The following TLN2 variants were observed in gnomAD, a reference collection of about 807,000 sequenced individuals.
TLN2 encodes talin-2.
In TLN2, 118 loss-of-function variants were observed where a neutral mutation model predicts 294.7. The ratio of observed to expected loss-of-function variants is 0.40; its 90% CI spans 0.34 to 0.47. The LOEUF (loss-of-function observed/expected upper bound fraction) is 0.47, where lower values mean the gene tolerates loss of function less well. Among genes scored for constraint, TLN2 ranks in the 20% least tolerant of loss-of-function variants. The pLI is 0.84. For synonymous variants in TLN2, 1,431 were observed against 1,304.5 expected (o/e 1.10, Z -2.09); for missense variants, 3,083 against 3,282.2 (o/e 0.94, Z 1.48).
chr15:62,643,231 A>C (rs1159644625), intron 3 of TLN2, among the ~76,000 whole-genome samples: 3 of 152,112 alleles, frequency 2.0e-5, no homozygotes, highest in Non-Finnish European at 2.9e-5. Context: ...TGTAGATTAC[A>C]AAGTATTGGC....
chr15:62,834,214 C>T (rs1440291406), intron 55 of TLN2: 1 of 152,102 alleles, frequency 6.6e-6, no homozygotes, highest in African/African-American at 2.4e-5. Flanking sequence ...ATTATTAGTA[C>T]ATTAGTAATT....
Position 62,465,174 on chromosome 15 carries a change from T to C in TLN2, c.-238+74489T>C, listed in dbSNP as rs557971858. ...TGAAATATGCTAAGCCCTTTAGTTC[T>C]TCTACTTGGCAGCAGCAGTATGTGC... is the stretch of plus-strand genomic sequence containing the variant. On this transcript the variant is annotated intron_variant, in intron 1 of 58. Transcript: ENST00000636159. Among the ~76,000 whole-genome samples the C allele has an allele frequency of 2.0e-5, 3 of 151,364 alleles. No individual in the cohort carries two copies. In the East Asian group the frequency reaches 5.8e-4, roughly 29 times the overall value.
At chr15:62,812,936 G>A (rs952128097) in intron 52 of TLN2, among the ~76,000 whole-genome samples, 1 of 152,166 alleles carries the variant, frequency 6.6e-6, no homozygotes, top group African/African-American at 2.4e-5. Flanking sequence ...CCACCCAGTC[G>A]CTATGTCAAC....
intron 22 of TLN2, among the ~76,000 whole-genome samples, chr15:62,715,709 T>A (rs1239394170): frequency 2.0e-5 from 3 of 152,198 alleles, no homozygotes; most frequent in African/African-American, 7.2e-5. Flanking sequence ...TTTCTCTCAT[T>A]AATTCAGTAC....
chr15:62,533,791 C>A (rs1208126400), intron 1 of TLN2, among the ~76,000 whole-genome samples: 1 of 152,084 alleles, frequency 6.6e-6, no homozygotes, highest in East Asian at 1.9e-4. Flanking sequence ...GTCTTTCTGT[C>A]CAGCAACCTG....
At chr15:62,527,014 G>A (rs745974369) in intron 1 of TLN2, among the ~76,000 whole-genome samples, 5 of 152,172 alleles carry the variant, frequency 3.3e-5, no homozygotes, top group Non-Finnish European at 7.3e-5. Context: ...TGCACCTGTA[G>A]ACAGGCACGT....
intron 1 of TLN2, among the ~76,000 whole-genome samples, chr15:62,504,042 G>A (rs890519952): frequency 6.6e-6 from 1 of 152,166 alleles, no homozygotes; most frequent in African/African-American, 2.4e-5. Context: ...TTGCATGTAA[G>A]GTTCATGAAA....
At chr15:62,809,094 C>T (rs935581802) in intron 51 of TLN2, among the ~76,000 whole-genome samples, 1 of 152,120 alleles carries the variant, frequency 6.6e-6, no homozygotes, top group Admixed American at 6.5e-5. Context: ...CAGAGGGAAG[C>T]TGTAGAAGGA....
chr15:62,633,548 TCCCAC>T (rs1471869853), intron 3 of TLN2, among the ~76,000 whole-genome samples: 1 of 152,180 alleles, frequency 6.6e-6, no homozygotes, highest in Admixed American at 6.5e-5. Context: ...CAAGCAATCC[TCCCAC>T]CCCAGCCTTT....
chr15:62,747,033 C>G (rs528936274), intron 32 of TLN2, among the ~76,000 whole-genome samples: 24 of 152,210 alleles, frequency 1.6e-4, no homozygotes, highest in African/African-American at 5.5e-4. Flanking sequence ...AAAAGATTGT[C>G]TTTTCAACAA....
chr15:62,707,885 A>T (rs114395873), intron 20 of TLN2, among the ~76,000 whole-genome samples: 1,567 of 152,146 alleles, frequency 0.01, 34 homozygotes, highest in African/African-American at 0.036. Flanking sequence ...CCTCTCGGTG[A>T]TGATGCAGCA....
intron 1 of TLN2, among the ~76,000 whole-genome samples, chr15:62,573,000 C>T (rs1295868722): frequency 6.6e-6 from 1 of 151,316 alleles, no homozygotes; most frequent in African/African-American, 2.4e-5. Flanking sequence ...TCCCACACCT[C>T]TCTTCTCATA....
intron 1 of TLN2, among the ~76,000 whole-genome samples, chr15:62,554,067 T>C (rs759728263): frequency 2.6e-5 from 4 of 152,002 alleles, no homozygotes; most frequent in Non-Finnish European, 5.9e-5. Flanking sequence ...AGATAAGTAG[T>C]TAATGACTAG....
intron 3 of TLN2, among the ~76,000 whole-genome samples, chr15:62,630,009 A>T (rs574178087): frequency 6.6e-6 from 1 of 152,174 alleles, no homozygotes; most frequent in African/African-American, 2.4e-5. Context: ...TCAGGAAATT[A>T]TCTTTTTTTG....
chr15:62,662,822 G>GTGT (rs2054022725), intron 9 of TLN2, among the ~76,000 whole-genome samples: 1 of 108,240 alleles, frequency 9.2e-6, no homozygotes, highest in Non-Finnish European at 1.8e-5. Context: ...GATTGAGAGA[G>GTGT]TTTTTTTTTT....
At chr15:62,445,766 G>T (rs971920129) in intron 1 of TLN2, among the ~76,000 whole-genome samples, 3 of 151,816 alleles carry the variant, frequency 2.0e-5, no homozygotes, top group African/African-American at 7.3e-5. Context: ...TGGGCTCAAA[G>T]AATCCTTTCA....
At chr15:62,798,125 G>T (rs531824678) in intron 48 of TLN2, among the ~76,000 whole-genome samples, 1 of 152,108 alleles carries the variant, frequency 6.6e-6, no homozygotes, top group Admixed American at 6.5e-5. Flanking sequence ...GAGTGCCATC[G>T]AGGACATTGG....
At chr15:62,697,399 G>A (rs1249129433) in intron 14 of TLN2, among the ~76,000 whole-genome samples, 3 of 152,140 alleles carry the variant, frequency 2.0e-5, no homozygotes, top group African/African-American at 7.2e-5. Flanking sequence ...GTGAGATACT[G>A]CACCCGGCCT....
chr15:62,826,860 T>G (rs1489216321), intron 54 of TLN2, among the ~76,000 whole-genome samples: 1 of 152,034 alleles, frequency 6.6e-6, no homozygotes, highest in Admixed American at 6.5e-5. Context: ...ATGTTCACAC[T>G]TTAAAAAATA....
Sources: allele counts gnomAD v4.1 joint callset (sites outside exome capture counted in the v4.1 genomes callset), GRCh38; gene constraint gnomAD v4.1.1; transcripts MANE v1.5; gene names NCBI Gene and HGNC (gene_info 2026-07-23, HGNC 2026-07-21).